Variants in CTNNA3 observed in about 807,000 individuals in gnomAD.
CTNNA3 encodes the protein catenin alpha 3.
Under a neutral mutation model 95.7 loss-of-function variants are expected in CTNNA3, and 76 were observed. The observed-to-expected ratio is 0.79, with a 90% CI of 0.66 to 0.96. The LOEUF (loss-of-function observed/expected upper bound fraction) is 0.96, where lower values mean the gene tolerates loss of function less well. CTNNA3 is among the 40% of genes least tolerant of loss of function. CTNNA3 has a pLI of 0.00. For synonymous variants in CTNNA3, 431 were observed against 374.4 expected (o/e 1.15, Z -1.74); for missense variants, 1,191 against 1,089.8 (o/e 1.09, Z -1.31).
chr10:67,577,886 G>A (rs1842223872), intron 3 of CTNNA3, among the ~76,000 whole-genome samples: 1 of 150,170 alleles, frequency 6.7e-6, no homozygotes, highest in Non-Finnish European at 1.5e-5. Flanking sequence ...ATGGCTGGAT[G>A]CAATGGTAGT....
chr10:67,695,241 A>G (rs1840941269), intron 1 of CTNNA3, among the ~76,000 whole-genome samples: 1 of 152,238 alleles, frequency 6.6e-6, no homozygotes, highest in Non-Finnish European at 1.5e-5. Flanking sequence ...GGCACATATC[A>G]GTGACTCAAA....
intron 12 of CTNNA3, among the ~76,000 whole-genome samples, chr10:66,358,168 T>G (rs1416520316): frequency 6.6e-6 from 1 of 152,180 alleles, no homozygotes; most frequent in East Asian, 1.9e-4. Flanking sequence ...CTGCCACCAC[T>G]ACCTCCAAAG....
chr10:66,155,299 C>T (rs911564287), intron 13 of CTNNA3, among the ~76,000 whole-genome samples: 1 of 151,656 alleles, frequency 6.6e-6, no homozygotes, highest in Admixed American at 6.6e-5. Flanking sequence ...TTCCATAAGC[C>T]AAGTGACTAA....
chr10:67,055,854 T>C (rs1292131061), intron 7 of CTNNA3, among the ~76,000 whole-genome samples: 1 of 152,158 alleles, frequency 6.6e-6, no homozygotes, highest in East Asian at 1.9e-4. Flanking sequence ...GTTGCCACTG[T>C]AAATGGCTGT....
intron 10 of CTNNA3, among the ~76,000 whole-genome samples, chr10:66,614,686 AG>A (rs1159458307): frequency 1.3e-5 from 2 of 152,086 alleles, no homozygotes; most frequent in Non-Finnish European, 2.9e-5. Context: ...AAGCTGTTTT[AG>A]CCCTGTCAGG....
intron 5 of CTNNA3, among the ~76,000 whole-genome samples, chr10:67,263,432 T>G (rs553472980): frequency 4.6e-5 from 7 of 152,286 alleles, no homozygotes; most frequent in Non-Finnish European, 7.4e-5. Context: ...CATGAAGAAT[T>G]GTGCAGAATC....
intron 5 of CTNNA3, among the ~76,000 whole-genome samples, chr10:67,274,546 G>A (rs1839111119): frequency 6.6e-6 from 1 of 152,142 alleles, no homozygotes; most frequent in Non-Finnish European, 1.5e-5. Context: ...TTAAGGAGAT[G>A]GCCTGGCGCA....
At chr10:66,424,984 C>T (rs1351264233) in intron 11 of CTNNA3, among the ~76,000 whole-genome samples, 1 of 152,020 alleles carries the variant, frequency 6.6e-6, no homozygotes, top group Non-Finnish European at 1.5e-5. Context: ...ATTTTTCCAT[C>T]ATGAGTTTGA....
intron 5 of CTNNA3, among the ~76,000 whole-genome samples, chr10:67,417,465 T>C (rs1184209222): frequency 4.6e-5 from 7 of 151,902 alleles, no homozygotes; most frequent in Non-Finnish European, 1.0e-4. Flanking sequence ...ATAATAACAA[T>C]AATAAAAAGT....
chr10:66,793,803 T>C (rs572892539), intron 7 of CTNNA3, among the ~76,000 whole-genome samples: 2 of 152,304 alleles, frequency 1.3e-5, no homozygotes, highest in South Asian at 4.1e-4. Flanking sequence ...ATCTGCTGCA[T>C]TGTTGTGTCA....
chr10:67,033,755 A>C (rs920272225), intron 7 of CTNNA3, among the ~76,000 whole-genome samples: 14 of 152,098 alleles, frequency 9.2e-5, no homozygotes, highest in African/African-American at 3.4e-4. Flanking sequence ...TGCATAAGTA[A>C]CTTTTACTGT....
intron 3 of CTNNA3, among the ~76,000 whole-genome samples, chr10:67,568,192 T>G (rs867333577): frequency 1.3e-5 from 2 of 151,948 alleles, no homozygotes; most frequent in Non-Finnish European, 2.9e-5. Flanking sequence ...ATTTTCATAG[T>G]TCTTCATCTC....
At chr10:66,843,777 A>G (rs1843152615) in intron 7 of CTNNA3, among the ~76,000 whole-genome samples, 1 of 152,094 alleles carries the variant, frequency 6.6e-6, no homozygotes, top group African/African-American at 2.4e-5. Context: ...TCTTCAGGCA[A>G]TTTTTTTCAT....
At chr10:67,365,413 G>GA (rs1843170816) in intron 5 of CTNNA3, among the ~76,000 whole-genome samples, 1 of 152,180 alleles carries the variant, frequency 6.6e-6, no homozygotes, top group African/African-American at 2.4e-5. Context: ...CACAGCAAAA[G>GA]AAAATACCAT....
At chr10:67,571,587 C>G (rs139741273) in intron 3 of CTNNA3, among the ~76,000 whole-genome samples, 2 of 152,060 alleles carry the variant, frequency 1.3e-5, no homozygotes, top group African/African-American at 2.4e-5. Flanking sequence ...CAAATCTCTG[C>G]GAGTAGATTA....
chr10:66,585,545 T>C (rs957954117), intron 10 of CTNNA3, among the ~76,000 whole-genome samples: 1 of 151,956 alleles, frequency 6.6e-6, no homozygotes. Context: ...GAAGTTCTGA[T>C]TGGCTTTCCT....
chr10:67,323,977 C>T (rs895087486), intron 5 of CTNNA3, among the ~76,000 whole-genome samples: 10 of 151,816 alleles, frequency 6.6e-5, no homozygotes, highest in African/African-American at 2.4e-4. Context: ...TGTGTGACAC[C>T]TGTGAATGAG....
At chr10:66,536,554 G>A (rs1257276831) in intron 10 of CTNNA3, among the ~76,000 whole-genome samples, 1 of 150,432 alleles carries the variant, frequency 6.6e-6, no homozygotes, top group Non-Finnish European at 1.5e-5. Context: ...AAAAGGAAAT[G>A]CTCAGAGTAG....
chr10:66,526,638 A>G (rs1841270685), intron 10 of CTNNA3, among the ~76,000 whole-genome samples: 1 of 152,082 alleles, frequency 6.6e-6, no homozygotes, highest in Non-Finnish European at 1.5e-5. Context: ...TTTAATCCCA[A>G]CCATCCTAAT....
Sources: allele counts gnomAD v4.1 joint callset (sites outside exome capture counted in the v4.1 genomes callset), GRCh38; gene constraint gnomAD v4.1.1; transcripts MANE v1.5; gene names NCBI Gene and HGNC (gene_info 2026-07-23, HGNC 2026-07-21).